The following COL4A5 variants were observed in gnomAD, a reference collection of about 807,000 sequenced individuals.
COL4A5 encodes collagen type IV alpha 5 chain, also known as collagen alpha-5(IV) chain.
In COL4A5, 26 loss-of-function variants were observed where a neutral mutation model predicts 130.2. The observed-to-expected ratio is 0.20, with a 90% CI of 0.15 to 0.28. The LOEUF is 0.28. Ranked by LOEUF, COL4A5 falls within the 10% of genes least tolerant of loss-of-function variation. The pLI, the probability that COL4A5 is intolerant of heterozygous loss-of-function variation, is 1.00. For missense variants in COL4A5, 1,131 were observed against 1,344.3 expected, an observed-to-expected ratio of 0.84 and a Z score of 2.48; for synonymous variants, 496 against 439.6, an observed-to-expected ratio of 1.13 and a Z score of -1.60.
intron 1 of COL4A5, among the ~76,000 whole-genome samples, chrX:108,470,037 G>A (rs966286347): frequency 1.8e-5 from 2 of 112,077 alleles, no homozygotes; most frequent in African/African-American, 3.2e-5. Context: ...ATTCACCATC[G>A]ATGGGAATCT....
Position 108,531,186 on chromosome X carries a change from A to C in COL4A5, c.82-8560A>C, listed in dbSNP as rs763920431. Among the ~76,000 whole-genome samples, 461 of 78,855 alleles carry C rather than the reference A, an allele frequency of 5.8e-3. 1 individual carries two copies. Among genetic ancestry groups the C allele is most frequent in the Non-Finnish European group, 8.6e-3 (363 of 42,452 alleles). 68.5% of individuals were successfully genotyped at this position (78,855 alleles called of 115,157 possible). A position where few individuals can be genotyped will look rare whatever the true frequency, so the allele number is the denominator to read the frequency against. On this transcript the variant is annotated intron_variant, in intron 1 of 52. Coordinates refer to ENST00000328300, the MANE Select transcript of COL4A5 (RefSeq NM_033380.3). ...AGAACACATGGACACAGGAAGGGGA[A>C]CATCACACTCTGGGGACTGTTGTGG...
intron 41 of COL4A5, among the ~76,000 whole-genome samples, chrX:108,669,085 A>G (rs28703833): frequency 1.2e-3 from 130 of 112,072 alleles, no homozygotes; most frequent in African/African-American, 4.1e-3. Context: ...TCATGTCTAT[A>G]CCTCATTTGT....
At chrX:108,575,783 G>GCCA in intron 9 of COL4A5, 127 bp from the exon 10 acceptor site, 2 of 502,322 alleles carry the variant, frequency 4.0e-6, no homozygotes, top group Non-Finnish European at 7.1e-6. Flanking sequence ...GTCGCAGTGA[G>GCCA]TTGAGATCAT....
chrX:108,480,229 T>C (rs2064875653), intron 1 of COL4A5, among the ~76,000 whole-genome samples: 1 of 112,404 alleles, frequency 8.9e-6, no homozygotes, highest in Non-Finnish European at 1.9e-5. Context: ...TGCCTCTTTC[T>C]TGATTGTAGG....
chrX:108,521,479 C>T (rs2065264578), intron 1 of COL4A5, among the ~76,000 whole-genome samples: 1 of 111,167 alleles, frequency 9.0e-6, no homozygotes, highest in Middle Eastern at 4.2e-3. Context: ...AAAGATAAAG[C>T]AAGCTTACTG....
chrX:108,633,260 GA>G (rs2067299631), intron 36 of COL4A5, among the ~76,000 whole-genome samples: 1 of 110,093 alleles, frequency 9.1e-6, no homozygotes, highest in Non-Finnish European at 1.9e-5. Flanking sequence ...GGATTTTTTG[GA>G]AAAAAAGTCT....
chrX:108,641,774 G>A (rs1339815885), intron 36 of COL4A5, among the ~76,000 whole-genome samples: 1 of 111,846 alleles, frequency 8.9e-6, no homozygotes, highest in African/African-American at 3.3e-5. Context: ...ATTCCTGCCT[G>A]GCACCACAGG....
chrX:108,590,989 A>G, intron 19 of COL4A5, 69 bp from the exon 20 acceptor site: 1 of 949,210 alleles, frequency 1.1e-6, no homozygotes, highest in Non-Finnish European at 1.5e-6. Flanking sequence ...ATCATTATCT[A>G]ATGTCTCAAT....
intron 1 of COL4A5, among the ~76,000 whole-genome samples, chrX:108,492,253 T>C (rs760213247): frequency 2.3e-4 from 26 of 111,848 alleles, no homozygotes; most frequent in African/African-American, 7.8e-4. Flanking sequence ...ATTGTTGTTG[T>C]TGTTCCAGGC....
intron 1 of COL4A5, among the ~76,000 whole-genome samples, chrX:108,534,369 ATG>A (rs972825362): frequency 2.7e-5 from 3 of 111,919 alleles, no homozygotes; most frequent in Non-Finnish European, 3.8e-5. Context: ...GATAAAGAAA[ATG>A]TGGTACATAT....
intron 1 of COL4A5, among the ~76,000 whole-genome samples, chrX:108,531,958 G>A (rs892621946): frequency 7.2e-5 from 8 of 111,146 alleles, no homozygotes; most frequent in Middle Eastern, 4.6e-3. Flanking sequence ...TTCTCCCTAC[G>A]AAGAAAAGCC....
chrX:108,542,995 A>G (rs1242405894), intron 2 of COL4A5, among the ~76,000 whole-genome samples: 10 of 110,510 alleles, frequency 9.0e-5, no homozygotes, highest in Non-Finnish European at 1.7e-4. Flanking sequence ...TTCATTGTAG[A>G]TTCTGGATAT....
intron 29 of COL4A5, among the ~76,000 whole-genome samples, chrX:108,610,625 G>A (rs1473391416): frequency 1.8e-5 from 2 of 111,456 alleles, no homozygotes; most frequent in East Asian, 2.8e-4. Flanking sequence ...TATTTTGTTT[G>A]TATATATTCT....
Position 108,578,135 on chromosome X carries a change from G to A in COL4A5, c.687+16G>A. On this transcript the variant is annotated intron_variant, in intron 12 of 52. Coordinates refer to ENST00000328300, the MANE Select transcript of COL4A5 (RefSeq NM_033380.3). ...AGGTGAAAAAGTGAGTAAAGAAAGAGAGCTGGTTATTCAGCCCTCAGCTTT... is the reference window on the plus strand; with the variant it reads ...AGGTGAAAAAGTGAGTAAAGAAAGAAAGCTGGTTATTCAGCCCTCAGCTTT... The A allele has an allele frequency of 8.3e-7, 1 of 1,206,287 alleles. No individual in the cohort carries two copies. The highest frequency in any genetic ancestry group is 1.8e-5 in the South Asian group (1 of 56,642).
At chrX:108,504,668 G>T (rs772815641) in intron 1 of COL4A5, among the ~76,000 whole-genome samples, 71 of 112,234 alleles carry the variant, frequency 6.3e-4, no homozygotes, top group African/African-American at 2.0e-3. Context: ...CAATGTAAAT[G>T]CAAATTAAAA....
At chrX:108,541,570 A>G (rs1423790549) in intron 2 of COL4A5, among the ~76,000 whole-genome samples, 1 of 112,309 alleles carries the variant, frequency 8.9e-6, no homozygotes, top group African/African-American at 3.2e-5. Context: ...AGAGTTGAGG[A>G]TGCCAGAATG....
intron 1 of COL4A5, among the ~76,000 whole-genome samples, chrX:108,467,633 A>G (rs1472337107): frequency 9.0e-6 from 1 of 111,704 alleles, no homozygotes; most frequent in Non-Finnish European, 1.9e-5. Context: ...CCAGGAACAC[A>G]AGATGCCATT....
intron 42 of COL4A5, among the ~76,000 whole-genome samples, chrX:108,674,010 C>G (rs1182767451): frequency 3.7e-5 from 4 of 108,751 alleles, no homozygotes; most frequent in African/African-American, 1.3e-4. Flanking sequence ...CCATTGCACT[C>G]CAGCCTGGGC....
At chrX:108,596,737 G>A (rs917182700) in intron 22 of COL4A5, among the ~76,000 whole-genome samples, 6 of 112,265 alleles carry the variant, frequency 5.3e-5, no homozygotes, top group African/African-American at 1.9e-4. Flanking sequence ...GAGAAAGTCT[G>A]CTTTGGAGTT....
Sources: allele counts gnomAD v4.1 joint callset (sites outside exome capture counted in the v4.1 genomes callset), GRCh38; gene constraint gnomAD v4.1.1; transcripts MANE v1.5; gene names NCBI Gene and HGNC (gene_info 2026-07-23, HGNC 2026-07-21).